Variants in PARD3B observed in about 807,000 individuals in gnomAD.
The protein encoded by PARD3B is partitioning defective 3 homolog B.
In PARD3B, 103 loss-of-function variants were observed where a neutral mutation model predicts 130.2. The observed-to-expected ratio is 0.79, with a 90% CI of 0.67 to 0.93. The LOEUF (loss-of-function observed/expected upper bound fraction) is 0.93, where lower values mean the gene tolerates loss of function less well. Among genes scored for constraint, PARD3B ranks in the 40% least tolerant of loss-of-function variants. The probability of loss-of-function intolerance (pLI) is 0.00; values close to 1 mark genes in which losing one functional copy is unlikely to be tolerated. For missense variants in PARD3B, 1,609 were observed against 1,499.2 expected (o/e 1.07, Z -1.21); for synonymous variants, 583 against 553.2 (o/e 1.05, Z -0.76).
At chr2:205,419,594 A>C (rs1001468480) in intron 19 of PARD3B, among the ~76,000 whole-genome samples, 1 of 152,218 alleles carries the variant, frequency 6.6e-6, no homozygotes, top group East Asian at 1.9e-4. Context: ...GCCAGAAAAA[A>C]ACAAGTTCCA....
At chr2:204,804,906 A>G (rs2042709205) in intron 2 of PARD3B, among the ~76,000 whole-genome samples, 1 of 152,164 alleles carries the variant, frequency 6.6e-6, no homozygotes, top group South Asian at 2.1e-4. Context: ...GAATAAGGAA[A>G]TTAAAAAATT....
intron 2 of PARD3B, among the ~76,000 whole-genome samples, chr2:204,856,528 G>A (rs574571554): frequency 1.3e-5 from 2 of 152,158 alleles, no homozygotes; most frequent in East Asian, 3.9e-4. Flanking sequence ...TTGTGCAGAG[G>A]AAACAATTTT....
At chr2:205,615,185 C>T (rs1406702181) in intron 22 of PARD3B, among the ~76,000 whole-genome samples, 1 of 152,144 alleles carries the variant, frequency 6.6e-6, no homozygotes, top group Non-Finnish European at 1.5e-5. Context: ...CAACGGGGAC[C>T]CAGGCTCTCA....
intron 18 of PARD3B, among the ~76,000 whole-genome samples, chr2:205,344,591 G>T (rs1314159952): frequency 6.6e-6 from 1 of 152,102 alleles, no homozygotes; most frequent in African/African-American, 2.4e-5. Context: ...TTTTCTATGG[G>T]CATTCCCTAG....
intron 2 of PARD3B, among the ~76,000 whole-genome samples, chr2:204,722,690 A>T (rs1053593338): frequency 6.6e-6 from 1 of 152,168 alleles, no homozygotes; most frequent in Non-Finnish European, 1.5e-5. Context: ...CCTTGTTAAT[A>T]AGGAAGGAGA....
At position 205,351,754 on chromosome 2, in the gene PARD3B, G is replaced by A. The variant is rs1225813229; in HGVS notation, c.2631-49259G>A. Among the ~76,000 whole-genome samples the A allele has an allele frequency of 6.6e-6, 1 of 151,834 alleles. No homozygotes were observed. The highest frequency in any genetic ancestry group is 1.5e-5 in the Non-Finnish European group (1 of 67,990). On this transcript the variant is annotated intron_variant, in intron 18 of 22. Transcript: ENST00000406610. The surrounding 1 kb of genome is among the most constrained non-coding windows in gnomAD (Gnocchi z 4.2). ...GCTCTGTGAGTAAGGTGGGTTGCTAGCCTATCACCAGATTATTAAAGTAAG... is the reference window on the plus strand; with the variant it reads ...GCTCTGTGAGTAAGGTGGGTTGCTAACCTATCACCAGATTATTAAAGTAAG...
At chr2:205,402,396 A>G (rs140973950) in intron 19 of PARD3B, among the ~76,000 whole-genome samples, 1,983 of 152,344 alleles carry the variant, frequency 0.013, 19 homozygotes, top group Non-Finnish European at 0.019. Flanking sequence ...TGGGGAGCCT[A>G]CATCATAGAT....
At chr2:205,337,371 T>G (rs849216) in intron 18 of PARD3B, among the ~76,000 whole-genome samples, 137,786 of 152,228 alleles carry the variant, frequency 0.91, 62,524 homozygotes, top group Admixed American at 0.94. Flanking sequence ...AGATGTATTT[T>G]GAACATGGTT....
intron 18 of PARD3B, among the ~76,000 whole-genome samples, chr2:205,373,010 C>A (rs2044884567): frequency 3.9e-5 from 6 of 152,224 alleles, no homozygotes; most frequent in Middle Eastern, 3.4e-3. Context: ...TTTTTTAAAT[C>A]ATTATTTCCT....
intron 1 of PARD3B, among the ~76,000 whole-genome samples, chr2:204,624,264 G>A (rs2034405888): frequency 6.6e-6 from 1 of 152,078 alleles, no homozygotes; most frequent in African/African-American, 2.4e-5. Flanking sequence ...ATGAAAAGAT[G>A]TTCAAAATAA....
chr2:205,610,417 A>G (rs1320340207), intron 22 of PARD3B, among the ~76,000 whole-genome samples: 3 of 152,220 alleles, frequency 2.0e-5, no homozygotes, highest in African/African-American at 7.2e-5. Flanking sequence ...ACAGAGACAA[A>G]GAAAATTTCT....
chr2:205,135,995 T>C (rs1160044451), intron 10 of PARD3B, among the ~76,000 whole-genome samples: 2 of 152,162 alleles, frequency 1.3e-5, no homozygotes, highest in Non-Finnish European at 1.5e-5. Flanking sequence ...TCTCTTTAAG[T>C]TTACACTTCT....
chr2:205,031,538 C>A (rs974206370), intron 3 of PARD3B, among the ~76,000 whole-genome samples: 1 of 152,116 alleles, frequency 6.6e-6, no homozygotes, highest in Non-Finnish European at 1.5e-5. Flanking sequence ...TTATCAGCAC[C>A]TTCAATTTAA....
intron 2 of PARD3B, among the ~76,000 whole-genome samples, chr2:204,940,805 C>A (rs1688839493): frequency 1.3e-5 from 2 of 151,974 alleles, no homozygotes. Context: ...TCTAGGAGTA[C>A]CCCTGCTCTA....
At chr2:204,789,739 A>G (rs757972115) in intron 2 of PARD3B, among the ~76,000 whole-genome samples, 4 of 152,104 alleles carry the variant, frequency 2.6e-5, no homozygotes, top group Non-Finnish European at 5.9e-5. Flanking sequence ...ATTCTTGTCA[A>G]TATTAGTTTT....
chr2:205,049,047 A>G (rs1371045955), intron 4 of PARD3B, among the ~76,000 whole-genome samples: 3 of 152,216 alleles, frequency 2.0e-5, no homozygotes, highest in African/African-American at 7.2e-5. Context: ...GAAGAATTAC[A>G]TAAAAGAGCA....
intron 15 of PARD3B, among the ~76,000 whole-genome samples, chr2:205,209,834 T>G (rs889747064): frequency 3.9e-5 from 6 of 152,012 alleles, no homozygotes; most frequent in African/African-American, 1.4e-4. Context: ...TAAGGCCTAG[T>G]ATTTGATAGT....
rs544248245 is a variant in PARD3B at position 204,866,979 on chromosome 2, G to A, written c.223-98173G>A. On this transcript the variant is annotated intron_variant, in intron 2 of 22. Transcript: ENST00000406610. ...AACTACTCAGGAGGCTGAAGCAGGAGAATCTCCTGAAACCAGGATGCAGAG... is the reference window on the plus strand; with the variant it reads ...AACTACTCAGGAGGCTGAAGCAGGAAAATCTCCTGAAACCAGGATGCAGAG... Among the ~76,000 whole-genome samples the A allele has an allele frequency of 5.9e-5, 9 of 152,098 alleles. No individual in the cohort carries two copies. The South Asian group carries it at 1.7e-3, about 28-fold the overall frequency.
intron 2 of PARD3B, among the ~76,000 whole-genome samples, chr2:204,870,342 AT>A (rs1213257395): frequency 2.0e-5 from 3 of 152,186 alleles, no homozygotes; most frequent in African/African-American, 7.2e-5. Context: ...TAAAAAAATG[AT>A]GTTAATTAAT....
Sources: gnomAD v4.1 joint callset for allele counts (sites outside exome capture counted in the v4.1 genomes callset) on GRCh38, gnomAD v4.1.1 for gene constraint, Gnocchi (gnomAD v3.1) non-coding constraint, MANE v1.5 for transcripts, NCBI Gene and HGNC (gene_info 2026-07-23, HGNC 2026-07-21) for gene names.